NMNAT2: variants seen among roughly 807,000 people sequenced by gnomAD.
NMNAT2 encodes nicotinamide nucleotide adenylyltransferase 2.
NMNAT2 carries 11 observed loss-of-function variants against 41.6 expected under a neutral mutation model. The ratio of observed to expected loss-of-function variants is 0.26; its 90% CI spans 0.17 to 0.44. The LOEUF (loss-of-function observed/expected upper bound fraction) is 0.44. NMNAT2 is among the 20% of genes least tolerant of loss of function. NMNAT2 has a pLI of 1.00. For missense variants in NMNAT2, 288 were observed against 407.7 expected, an observed-to-expected ratio of 0.71 and a Z score of 2.53; for synonymous variants, 148 against 151.2, an observed-to-expected ratio of 0.98 and a Z score of 0.16.
At chr1:183,279,671 A>C (rs1489290501) in intron 7 of NMNAT2, among the ~76,000 whole-genome samples, 1 of 152,112 alleles carries the variant, frequency 6.6e-6, no homozygotes, top group East Asian at 1.9e-4. Context: ...CCTGCTGTGG[A>C]ATGAGTCTCT....
At chr1:183,257,384 T>C (rs1481678063) in intron 10 of NMNAT2, among the ~76,000 whole-genome samples, 1 of 152,086 alleles carries the variant, frequency 6.6e-6, no homozygotes, top group African/African-American at 2.4e-5. Flanking sequence ...GAGGTTGCAG[T>C]GAGCCAAGAT....
chr1:183,257,222 C>T (rs1660539537), intron 10 of NMNAT2, among the ~76,000 whole-genome samples: 1 of 151,968 alleles, frequency 6.6e-6, no homozygotes, highest in South Asian at 2.1e-4. Flanking sequence ...GTGGGTGGAT[C>T]ACAAGCTCAG....
At position 183,355,749 on chromosome 1, in the gene NMNAT2, A is replaced by G. The variant is rs181491407; in HGVS notation, c.86-61956T>C. ...CTGGCTCACTCTCTAGCAGGCCTCCAGCCCGGATTGTGCTCACAGTGTGTT... is the reference window on the plus strand; with the variant it reads ...CTGGCTCACTCTCTAGCAGGCCTCCGGCCCGGATTGTGCTCACAGTGTGTT... On this transcript the variant is annotated intron_variant, in intron 1 of 10. Coordinates refer to ENST00000287713, the MANE Select transcript of NMNAT2 (RefSeq NM_015039.4). Among the ~76,000 whole-genome samples the G allele has an allele frequency of 3.9e-4, 60 of 152,332 alleles. 2 individuals carry two copies. In the East Asian group the frequency reaches 0.011, roughly 27 times the overall value.
chr1:183,364,471 A>G (rs1287688777), intron 1 of NMNAT2, among the ~76,000 whole-genome samples: 1 of 152,254 alleles, frequency 6.6e-6, no homozygotes, highest in Non-Finnish European at 1.5e-5. Flanking sequence ...TCTATATTAA[A>G]TAATATTTTG....
At position 183,292,936 on chromosome 1, in the gene NMNAT2, C is replaced by T. The variant is rs1661581809; in HGVS notation, c.175-79G>A. The T allele has an allele frequency of 1.0e-5, 14 of 1,376,328 alleles. No individual in the cohort carries two copies. The East Asian group carries it at 3.0e-4, about 29-fold the overall frequency. 85.3% of individuals were successfully genotyped at this position (1,376,328 alleles called of 1,614,324 possible). A position where few individuals can be genotyped will look rare whatever the true frequency, so the allele number is the denominator to read the frequency against. On this transcript the variant is annotated intron_variant, in intron 2 of 10. Coordinates refer to ENST00000287713, the MANE Select transcript of NMNAT2 (RefSeq NM_015039.4). Reference sequence around the variant, plus strand: ...CTTGGGATACCAGCCCAAGCCCACCCATTGTTAAAGTGCAGCCATTTTTCA... The same window carrying T: ...CTTGGGATACCAGCCCAAGCCCACCTATTGTTAAAGTGCAGCCATTTTTCA...
intron 1 of NMNAT2, among the ~76,000 whole-genome samples, chr1:183,369,795 C>T (rs1663492238): frequency 6.6e-6 from 1 of 152,082 alleles, no homozygotes; most frequent in Non-Finnish European, 1.5e-5. Flanking sequence ...CACTAACCTC[C>T]TCCTGGTCCC....
chr1:183,359,403 C>G (rs1410885259), intron 1 of NMNAT2, among the ~76,000 whole-genome samples: 1 of 152,126 alleles, frequency 6.6e-6, no homozygotes, highest in Non-Finnish European at 1.5e-5. Flanking sequence ...GAAGAGAAAA[C>G]CCAGTGGTGT....
intron 1 of NMNAT2, among the ~76,000 whole-genome samples, chr1:183,345,013 A>G (rs574166642): frequency 1.1e-4 from 17 of 152,260 alleles, no homozygotes; most frequent in African/African-American, 4.1e-4. Context: ...CTCCAATCCC[A>G]ACTGCTCTTC....
In NMNAT2 at chr1:183,292,822, A is replaced by C; in HGVS notation, c.210T>G (p.Cys70Trp). 2.5e-6 allele frequency: 4 copies of C among 1,614,088 alleles called. No homozygotes were observed. The highest frequency in any genetic ancestry group is 3.4e-6 in the Non-Finnish European group (4 of 1,180,002). The change falls in exon 3 of 11, where the codon TGT becomes TGG. Residue 70 changes from cysteine to tryptophan, a missense_variant. By Grantham distance (215) the Cys-to-Trp change is radical. Coordinates refer to ENST00000287713, the MANE Select transcript of NMNAT2 (RefSeq NM_015039.4). ...AATCAGAATTCTGGACGGCCAGCTGACACATGATGAGACGGTGCCGGCTTG... is the reference window on the plus strand; with the variant it reads ...AATCAGAATTCTGGACGGCCAGCTGCCACATGATGAGACGGTGCCGGCTTG... The part of the protein sequence containing the change: ...LVSSRHRLIM[C>W]QLAVQNSDWI...
At chr1:183,345,239 C>T (rs1282101594) in intron 1 of NMNAT2, among the ~76,000 whole-genome samples, 2 of 152,084 alleles carry the variant, frequency 1.3e-5, no homozygotes, top group African/African-American at 4.8e-5. Context: ...ACCTTCTCCC[C>T]CACTGTGGTT....
chr1:183,364,415 A>G (rs1203987686), intron 1 of NMNAT2, among the ~76,000 whole-genome samples: 1 of 152,226 alleles, frequency 6.6e-6, no homozygotes, highest in Non-Finnish European at 1.5e-5. Context: ...TCTGTATACA[A>G]TCACTAGAAG....
chr1:183,316,945 C>G (rs1662266656), intron 1 of NMNAT2, among the ~76,000 whole-genome samples: 1 of 152,198 alleles, frequency 6.6e-6, no homozygotes, highest in South Asian at 2.1e-4. Context: ...TCTCCATCCC[C>G]CATGCCCTCA....
Position 183,251,740 on chromosome 1 carries a change from G to A in NMNAT2, c.*901C>T, listed in dbSNP as rs1042262444. 2 of 152,982 alleles carry A rather than the reference G, an allele frequency of 1.3e-5. No individual in the cohort carries two copies. The highest frequency in any genetic ancestry group is 4.8e-5 in the African/African-American group (2 of 41,454). 9.5% of individuals were successfully genotyped at this position (152,982 alleles called of 1,614,324 possible). On this transcript the variant is annotated 3_prime_UTR_variant, in exon 11 of 11. Transcript: ENST00000287713. ...GTGTGATCATAAGCTCAGAGCATCAGGGAAATGGTCATTTGAAACTAAGAA... is the reference window on the plus strand; with the variant it reads ...GTGTGATCATAAGCTCAGAGCATCAAGGAAATGGTCATTTGAAACTAAGAA...
chr1:183,389,750 A>C (rs1193427716), intron 1 of NMNAT2, among the ~76,000 whole-genome samples: 5 of 12,586 alleles, frequency 4.0e-4, no homozygotes, highest in African/African-American at 1.4e-3. Context: ...GAAAGAAAGA[A>C]AGAAAGAAAG....
At chr1:183,279,296 C>T (rs1661201882) in intron 7 of NMNAT2, among the ~76,000 whole-genome samples, 3 of 152,166 alleles carry the variant, frequency 2.0e-5, no homozygotes, top group African/African-American at 4.8e-5. Context: ...CCAGTGAGGC[C>T]CATTGTTGTT....
chr1:183,315,977 T>C (rs1303544725), intron 1 of NMNAT2, among the ~76,000 whole-genome samples: 1 of 152,102 alleles, frequency 6.6e-6, no homozygotes, highest in Non-Finnish European at 1.5e-5. Flanking sequence ...ATAACAAAAG[T>C]CTTTAATTTT....
At chr1:183,338,285 C>A (rs1325458094) in intron 1 of NMNAT2, among the ~76,000 whole-genome samples, 1 of 151,858 alleles carries the variant, frequency 6.6e-6, no homozygotes, top group Non-Finnish European at 1.5e-5. Flanking sequence ...CTGAAAACTG[C>A]AAGACACTAG....
chr1:183,293,759 C>T lies in NMNAT2; in HGVS notation c.120G>A (p.Arg40=), dbSNP rs1433461849. The part of the protein sequence containing the change: ...RARDYLHKTG[R]FIVIGGIVSP... ...AGACAATCCCGCCAATCACAATAAA[C>T]CTTCCAGTTTTGTGCAGATAATCCC... The change falls in exon 2 of 11, where the codon AGG becomes AGA. Residue 40 remains arginine (R), a synonymous_variant. Transcript: ENST00000287713. 6.2e-7 allele frequency: 1 copy of T among 1,613,944 alleles called. No individual in the cohort carries two copies. The highest frequency in any genetic ancestry group is 1.3e-5 in the African/African-American group (1 of 74,906).
intron 1 of NMNAT2, among the ~76,000 whole-genome samples, chr1:183,299,733 T>G (rs1571583854): frequency 6.6e-6 from 1 of 150,634 alleles, no homozygotes; most frequent in Non-Finnish European, 1.5e-5. Flanking sequence ...GGGAAAGGGG[T>G]GGGTATGACT....
Sources: gnomAD v4.1 joint callset for allele counts (sites outside exome capture counted in the v4.1 genomes callset) on GRCh38, gnomAD v4.1.1 for gene constraint, MANE v1.5 for transcripts, NCBI Gene and HGNC (gene_info 2026-07-23, HGNC 2026-07-21) for gene names.